The following LRP1B variants were observed in gnomAD, a reference collection of about 807,000 sequenced individuals.
LRP1B encodes low-density lipoprotein receptor-related protein 1B.
A neutral mutation model predicts 556.6 loss-of-function variants in LRP1B; 217 were observed. The ratio of observed to expected loss-of-function variants is 0.39; its 90% CI spans 0.35 to 0.44. The LOEUF (loss-of-function observed/expected upper bound fraction) is 0.44, where lower values mean the gene tolerates loss of function less well. LRP1B is among the 20% of genes least tolerant of loss of function. The pLI is 1.00. For synonymous variants in LRP1B, 2,047 were observed against 1,865.8 expected (o/e 1.10, Z -2.50); for missense variants, 5,053 against 5,620.8 (o/e 0.90, Z 3.23).
chr2:141,413,652 C>CT (rs1690943858), intron 3 of LRP1B, among the ~76,000 whole-genome samples: 1 of 152,164 alleles, frequency 6.6e-6, no homozygotes, highest in Admixed American at 6.5e-5. Context: ...TGACTCCCAC[C>CT]TGTAATCCCA....
In LRP1B at chr2:140,373,040, T is replaced by C; in HGVS notation, c.10736A>G (p.Lys3579Arg). ...ACAGCTTTTCTCATCTTCCCCATAT[T>C]TGCAGTCTTCATGGCCATCACATTT... is the stretch of plus-strand genomic sequence containing the variant. ...KWKCDGHEDC[K>R]YGEDEKSCEP... The change falls in exon 69 of 91, where the codon AAA (lysine) becomes AGA (arginine). Residue 3579 changes from lysine (K) to arginine (R), a missense_variant. Lys to Arg is a conservative substitution (Grantham distance 26, BLOSUM62 2). Coordinates refer to ENST00000389484, the MANE Select transcript of LRP1B (RefSeq NM_018557.3). The C allele has an allele frequency of 6.2e-7, 1 of 1,613,566 alleles. No homozygotes were observed. The highest frequency in any genetic ancestry group is 2.2e-5 in the East Asian group (1 of 44,800).
At chr2:141,577,282 T>C (rs1050679195) in intron 2 of LRP1B, among the ~76,000 whole-genome samples, 4 of 152,198 alleles carry the variant, frequency 2.6e-5, no homozygotes, top group Middle Eastern at 3.2e-3. Context: ...TTTCTTTTGC[T>C]GTATGATTTG....
intron 80 of LRP1B, among the ~76,000 whole-genome samples, chr2:140,325,057 A>T (rs1680398013): frequency 6.6e-6 from 1 of 152,154 alleles, no homozygotes. Flanking sequence ...AGTGGATATG[A>T]TAATTTGTGG....
In LRP1B at chr2:141,015,745, G is replaced by T. The variant is rs1697882403; in HGVS notation, c.2141C>A (p.Ala714Asp). ...TACTTTTTCAATATGATCGTAATAG[G>T]CATCACACCAGTATAATGTGTTGGT... ...FHTNTLYWCD[A>D]YYDHIEKVFL... Residue 714 changes from alanine to aspartate, a missense_variant, in exon 13 of 91, where the codon GCC (alanine) becomes GAC (aspartate). Ala to Asp is a moderately radical substitution (Grantham distance 126, BLOSUM62 -2). Transcript: ENST00000389484. 2 of 1,613,112 alleles carry T rather than the reference G, an allele frequency of 1.2e-6. No homozygotes were observed. The highest frequency in any genetic ancestry group is 1.7e-6 in the Non-Finnish European group (2 of 1,179,554).
chr2:141,672,973 G>C (rs1389449806), intron 2 of LRP1B, among the ~76,000 whole-genome samples: 1 of 152,122 alleles, frequency 6.6e-6, no homozygotes, highest in African/African-American at 2.4e-5. Flanking sequence ...CTTGTACTCA[G>C]AAGTCTCCTA....
rs553022864 is a variant in LRP1B, at chr2:141,775,943, C to T, written c.205+34336G>A. Among the ~76,000 whole-genome samples, 8 of 151,186 alleles carry T rather than the reference C, an allele frequency of 5.3e-5. No individual in the cohort carries two copies. The East Asian group carries it at 7.8e-4, about 15-fold the overall frequency. ...CTGCAAGCTCCGCCTCCTGGGTTCACACCATTCTCCTGCCTCAGCCTCCCA... is the reference window on the plus strand; with the variant it reads ...CTGCAAGCTCCGCCTCCTGGGTTCATACCATTCTCCTGCCTCAGCCTCCCA... On this transcript the variant is annotated intron_variant, in intron 2 of 90. Coordinates refer to ENST00000389484, the MANE Select transcript of LRP1B (RefSeq NM_018557.3).
At position 140,511,518 on chromosome 2, in the gene LRP1B, G is replaced by T. The variant is rs544522887; in HGVS notation, c.8270-1462C>A. On this transcript the variant is annotated intron_variant, in intron 51 of 90. Coordinates refer to ENST00000389484, the MANE Select transcript of LRP1B (RefSeq NM_018557.3). The stretch of plus-strand genomic sequence containing the variant: ...GGGTTTCACTGTGTTAGCCAGAATG[G>T]TCTCAATATCCTGACCTCGTGATCC... 2.0e-3 allele frequency among the ~76,000 whole-genome samples: 307 copies of T among 152,120 alleles called. 1 individual carries two copies. Among genetic ancestry groups the T allele is most frequent in the African/African-American group, 6.7e-3 (277 of 41,524 alleles).
chr2:140,246,152 A>T (rs1681150390), intron 87 of LRP1B, among the ~76,000 whole-genome samples: 1 of 151,346 alleles, frequency 6.6e-6, no homozygotes, highest in Non-Finnish European at 1.5e-5. Context: ...GTTATATTTT[A>T]TACTTTAATA....
chr2:140,802,735 T>A (rs537352864), intron 32 of LRP1B, among the ~76,000 whole-genome samples: 1 of 152,228 alleles, frequency 6.6e-6, no homozygotes, highest in Non-Finnish European at 1.5e-5. Context: ...TTATTTCTCA[T>A]TTTATTACAG....
At chr2:141,064,090 C>T (rs892024693) in intron 7 of LRP1B, among the ~76,000 whole-genome samples, 2 of 151,808 alleles carry the variant, frequency 1.3e-5, no homozygotes, top group Admixed American at 6.6e-5. Context: ...AAGACAAGAA[C>T]CTTGGAGGCA....
At chr2:141,464,425 T>A (rs1246850043) in intron 3 of LRP1B, among the ~76,000 whole-genome samples, 1 of 150,982 alleles carries the variant, frequency 6.6e-6, no homozygotes. Flanking sequence ...GTGACTTTTT[T>A]TTTTTGAGAC....
At chr2:140,679,135 T>C (rs942137995) in intron 41 of LRP1B, among the ~76,000 whole-genome samples, 6 of 152,174 alleles carry the variant, frequency 3.9e-5, no homozygotes, top group Admixed American at 3.3e-4. Flanking sequence ...GAGTTCTCCC[T>C]GGGTCTGTGT....
intron 16 of LRP1B, 152 bp from the exon 17 acceptor site, chr2:140,989,809 A>G: frequency 3.1e-6 from 2 of 638,982 alleles, no homozygotes; most frequent in Non-Finnish European, 5.2e-6. Flanking sequence ...TTAATAGCAA[A>G]TACTAATATT....
chr2:140,269,882 A>G (rs1223210669), intron 86 of LRP1B, among the ~76,000 whole-genome samples: 3 of 151,286 alleles, frequency 2.0e-5, no homozygotes, highest in East Asian at 1.9e-4. Context: ...AGTTCTTGTG[A>G]AAAAAAATGG....
At chr2:140,764,328 G>T (rs1689028166) in intron 35 of LRP1B, among the ~76,000 whole-genome samples, 1 of 152,050 alleles carries the variant, frequency 6.6e-6, no homozygotes, top group African/African-American at 2.4e-5. Context: ...GCCAACAATG[G>T]TCAAAATAAA....
intron 3 of LRP1B, among the ~76,000 whole-genome samples, chr2:141,473,131 G>A (rs909566517): frequency 2.0e-5 from 3 of 151,692 alleles, no homozygotes; most frequent in South Asian, 4.2e-4. Flanking sequence ...TAGCAATTAT[G>A]CCTTATAAAT....
chr2:142,082,106 A>C (rs368502165), intron 1 of LRP1B, among the ~76,000 whole-genome samples: 1 of 152,202 alleles, frequency 6.6e-6, no homozygotes, highest in South Asian at 2.1e-4. Flanking sequence ...ATTTGGAAGT[A>C]TAAAGTCTGA....
chr2:140,440,095 T>G (rs550932111), intron 66 of LRP1B, among the ~76,000 whole-genome samples: 1 of 152,238 alleles, frequency 6.6e-6, no homozygotes, highest in African/African-American at 2.4e-5. Flanking sequence ...ACTTTAGAAA[T>G]GAAATATCCA....
chr2:140,667,399 T>C (rs1208268337), intron 41 of LRP1B, among the ~76,000 whole-genome samples: 1 of 152,214 alleles, frequency 6.6e-6, no homozygotes, highest in Non-Finnish European at 1.5e-5. Flanking sequence ...AAAGAGCAGT[T>C]GATACATGAG....
Sources: allele counts gnomAD v4.1 joint callset (sites outside exome capture counted in the v4.1 genomes callset), GRCh38; gene constraint gnomAD v4.1.1; transcripts MANE v1.5; gene names NCBI Gene and HGNC (gene_info 2026-07-23, HGNC 2026-07-21).